GRK4: variants seen among roughly 807,000 people sequenced by gnomAD.
GRK4 encodes the protein G protein-coupled receptor kinase 4.
Under a neutral mutation model 77.9 loss-of-function variants are expected in GRK4, and 73 were observed. The ratio of observed to expected loss-of-function variants is 0.94; its 90% CI spans 0.78 to 1.14. The LOEUF (loss-of-function observed/expected upper bound fraction) is 1.14, where lower values mean the gene tolerates loss of function less well. Ranked by LOEUF, GRK4 falls within the 50% of genes most tolerant of loss-of-function variation. The pLI is 0.00. For missense variants in GRK4, 729 were observed against 700.2 expected (o/e 1.04, Z -0.46); for synonymous variants, 257 against 254.4 (o/e 1.01, Z -0.10).
In GRK4 at chr4:2,963,645, G is replaced by A; in HGVS notation, c.-426G>A. The A allele has an allele frequency of 2.6e-6, 1 of 382,012 alleles. No individual in the cohort carries two copies. Among genetic ancestry groups the A allele is most frequent in the Non-Finnish European group, 4.7e-6 (1 of 215,028 alleles). 23.7% of individuals were successfully genotyped at this position (382,012 alleles called of 1,614,324 possible). A position where few individuals can be genotyped will look rare whatever the true frequency, so the allele number is the denominator to read the frequency against. ...GTTAGCGCCGAGCCCGCCCGGGAGCGGGTCGCCGGCCGCGGCGGGCGCCCC... is the reference window on the plus strand; with the variant it reads ...GTTAGCGCCGAGCCCGCCCGGGAGCAGGTCGCCGGCCGCGGCGGGCGCCCC... On this transcript the variant is annotated 5_prime_UTR_variant, in exon 1 of 16. Transcript: ENST00000398052.
intron 5 of GRK4, 58 bp downstream of exon 5, chr4:3,004,392 A>G: frequency 1.8e-6 from 2 of 1,082,176 alleles, no homozygotes; most frequent in South Asian, 2.6e-5. Flanking sequence ...CAAAACAGAC[A>G]GCTTTCAGGA....
chr4:2,979,719 C>T (rs866082515), intron 1 of GRK4, among the ~76,000 whole-genome samples: 6 of 152,056 alleles, frequency 3.9e-5, no homozygotes, highest in Admixed American at 1.3e-4. Context: ...GTCCCCCTAC[C>T]CCCCCAAAAA....
At chr4:2,977,105 G>A (rs1167050447) in intron 1 of GRK4, among the ~76,000 whole-genome samples, 1 of 152,056 alleles carries the variant, frequency 6.6e-6, no homozygotes, top group Non-Finnish European at 1.5e-5. Flanking sequence ...CCACTGTTTG[G>A]GGGTCCAGGA....
chr4:3,020,660 G>A (rs1381006397), intron 9 of GRK4, among the ~76,000 whole-genome samples: 3 of 152,114 alleles, frequency 2.0e-5, no homozygotes, highest in Non-Finnish European at 4.4e-5. Flanking sequence ...CTCTCCCTGG[G>A]TAATTTCATT....
intron 8 of GRK4, among the ~76,000 whole-genome samples, chr4:3,017,918 G>A (rs956285509): frequency 1.3e-5 from 2 of 152,150 alleles, no homozygotes; most frequent in African/African-American, 2.4e-5. Flanking sequence ...TCTGGAATGA[G>A]GCTAGATACC....
intron 1 of GRK4, among the ~76,000 whole-genome samples, chr4:2,981,207 C>T (rs1358398131): frequency 6.6e-6 from 1 of 152,238 alleles, no homozygotes; most frequent in Non-Finnish European, 1.5e-5. Context: ...CAGCTCTTAT[C>T]TCCTCTCTTC....
At chr4:2,970,756 G>A (rs1349775900) in intron 1 of GRK4, among the ~76,000 whole-genome samples, 9 of 151,380 alleles carry the variant, frequency 5.9e-5, no homozygotes, top group Non-Finnish European at 8.8e-5. Flanking sequence ...TGCAAGCTCT[G>A]CCTCCCAGGT....
At chr4:3,009,520 T>C in intron 6 of GRK4, 128 bp from the exon 7 acceptor site, 1 of 644,700 alleles carries the variant, frequency 1.6e-6, no homozygotes, top group South Asian at 1.9e-5. Context: ...CAGACACCCT[T>C]TGTCCCGGGC....
intron 13 of GRK4, among the ~76,000 whole-genome samples, chr4:3,037,059 GTGTGTGTGTGTA>G (rs1177217189): frequency 8.9e-5 from 10 of 112,466 alleles, no homozygotes; most frequent in South Asian, 6.6e-4. Flanking sequence ...GTGTGTGTGT[GTGTGTGTGTGTA>G]TGTGTGTGTG....
Position 2,963,587 on chromosome 4 carries a change from G to T in GRK4, c.-484G>T. On this transcript the variant is annotated 5_prime_UTR_variant, in exon 1 of 16. Transcript: ENST00000398052. Reference sequence around the variant, plus strand: ...CTGGGAGCTGTAGTGCCCCGGCCGCGGCGGCGAGGGGCGCTCCCTCTTCAG... The same window carrying T: ...CTGGGAGCTGTAGTGCCCCGGCCGCTGCGGCGAGGGGCGCTCCCTCTTCAG... 2 of 448,412 alleles carry T rather than the reference G, an allele frequency of 4.5e-6. No individual in the cohort carries two copies. Among genetic ancestry groups the T allele is most frequent in the East Asian group, 3.8e-5 (1 of 26,488 alleles). 27.8% of individuals were successfully genotyped at this position (448,412 alleles called of 1,614,324 possible).
chr4:2,987,389 G>A (rs188569690), intron 2 of GRK4, among the ~76,000 whole-genome samples: 1 of 152,150 alleles, frequency 6.6e-6, no homozygotes, highest in Non-Finnish European at 1.5e-5. Context: ...GAATAATGCT[G>A]CTATGAATAT....
intron 1 of GRK4, among the ~76,000 whole-genome samples, chr4:2,964,944 G>GA (rs1221271466): frequency 1.3e-3 from 183 of 141,366 alleles, no homozygotes; most frequent in Admixed American, 1.1e-3. Flanking sequence ...CAGGGGTGAA[G>GA]AAAAAAAAAA....
At chr4:3,020,706 C>T (rs1210638510) in intron 9 of GRK4, among the ~76,000 whole-genome samples, 1 of 151,892 alleles carries the variant, frequency 6.6e-6, no homozygotes, top group Non-Finnish European at 1.5e-5. Flanking sequence ...CAGTTATAGT[C>T]GGTCCCCCAT....
At chr4:3,000,470 C>G (rs1339580344) in intron 4 of GRK4, among the ~76,000 whole-genome samples, 1 of 152,078 alleles carries the variant, frequency 6.6e-6, no homozygotes, top group Non-Finnish European at 1.5e-5. Flanking sequence ...GTCTTGTTTT[C>G]TGCTGTGTCC....
intron 4 of GRK4, among the ~76,000 whole-genome samples, chr4:3,000,570 TTTTC>T (rs1349232754): frequency 1.7e-5 from 1 of 57,704 alleles, no homozygotes; most frequent in South Asian, 3.1e-4. Context: ...TTTTCTTTTC[TTTTC>T]TTTTTTTTTT....
At chr4:3,010,207 G>A (rs987585941) in intron 7 of GRK4, among the ~76,000 whole-genome samples, 1 of 151,228 alleles carries the variant, frequency 6.6e-6, no homozygotes, top group Non-Finnish European at 1.5e-5. Flanking sequence ...ACTCACGAGG[G>A]GTGTTTTTTT....
At chr4:3,000,689 C>T (rs1346589732) in intron 4 of GRK4, among the ~76,000 whole-genome samples, 2 of 151,842 alleles carry the variant, frequency 1.3e-5, no homozygotes, top group East Asian at 1.9e-4. Flanking sequence ...CTCAGTCTCC[C>T]GAGTAGCTGG....
intron 5 of GRK4, among the ~76,000 whole-genome samples, chr4:3,004,722 A>G (rs1406086232): frequency 6.6e-6 from 1 of 152,128 alleles, no homozygotes; most frequent in Non-Finnish European, 1.5e-5. Flanking sequence ...GAAATGGATC[A>G]TCATAAAGGT....
intron 1 of GRK4, among the ~76,000 whole-genome samples, chr4:2,976,631 CTTTTTTTTTTTT>C (rs769469513): frequency 2.0e-4 from 24 of 117,338 alleles, no homozygotes; most frequent in Admixed American, 6.2e-4. Context: ...TTCTTTCTTT[CTTTTTTTTTTTT>C]TTTTTTTTTG....
Sources: allele counts gnomAD v4.1 joint callset (sites outside exome capture counted in the v4.1 genomes callset), GRCh38; gene constraint gnomAD v4.1.1; transcripts MANE v1.5; gene names NCBI Gene and HGNC (gene_info 2026-07-23, HGNC 2026-07-21).